The following FAM124A variants were observed in gnomAD, a reference collection of about 807,000 sequenced individuals.
FAM124A encodes protein FAM124A.
In FAM124A, 23 loss-of-function variants were observed where a neutral mutation model predicts 24.5. The ratio of observed to expected loss-of-function variants is 0.94; its 90% confidence interval spans 0.68 to 1.33. FAM124A has a LOEUF of 1.33. FAM124A is among the 40% of genes most tolerant of loss of function. The probability of loss-of-function intolerance (pLI) is 0.00; values close to 1 mark genes in which losing one functional copy is unlikely to be tolerated. For missense variants in FAM124A, 623 were observed against 722.8 expected (o/e 0.86, Z 1.58); for synonymous variants, 287 against 314.7 (o/e 0.91, Z 0.93).
rs553255580 is a variant in FAM124A at position 51,259,940 on chromosome 13, C to T, written c.834+7739C>T. Among the ~76,000 whole-genome samples the T allele has an allele frequency of 1.1e-4, 17 of 152,236 alleles. 1 individual carries two copies. In the South Asian group the frequency reaches 2.9e-3, roughly 26 times the overall value. On this transcript the variant is annotated intron_variant, in intron 3 of 3. Coordinates refer to ENST00000322475, the MANE Select transcript of FAM124A (RefSeq NM_001242312.2). The stretch of plus-strand genomic sequence containing the variant: ...AACCTTGGGCTGGTAGGGGTGTGTG[C>T]AGGAGGCTGAGGGAGCAGTGGAGAG...
rs184173493 is a variant in FAM124A, at chr13:51,272,729, C to T, written c.835-7721C>T. On this transcript the variant is annotated intron_variant, in intron 3 of 3. Transcript: ENST00000322475. This position sits in a 1 kb window ranked among gnomAD's most constrained non-coding sequence, Gnocchi z 4.2. ...AAGGTAGGAGTGCTAGACCGCAGGA[C>T]GCCAAGCACAGTCAAGGTGGGAGTG... Among the ~76,000 whole-genome samples, 85 of 152,190 alleles carry T rather than the reference C, an allele frequency of 5.6e-4. No individual in the cohort carries two copies. Among genetic ancestry groups the T allele is most frequent in the African/African-American group, 1.7e-3 (69 of 41,532 alleles).
At chr13:51,257,938 C>T (rs1954692275) in intron 3 of FAM124A, among the ~76,000 whole-genome samples, 1 of 152,336 alleles carries the variant, frequency 6.6e-6, no homozygotes. Flanking sequence ...GTGGCTTAAA[C>T]AACATAAATT....
intron 1 of FAM124A, among the ~76,000 whole-genome samples, chr13:51,229,643 T>C (rs1292174983): frequency 2.0e-5 from 3 of 152,226 alleles, no homozygotes; most frequent in Non-Finnish European, 4.4e-5. Context: ...TCTTATTGTG[T>C]GTTGTATTTG....
rs922625894 is a variant in FAM124A at position 51,251,431 on chromosome 13, G to T, written c.101-37G>T. 1 of 1,492,518 alleles carries T rather than the reference G, an allele frequency of 6.7e-7. No homozygotes were observed. Among genetic ancestry groups the T allele is most frequent in the Admixed American group, 2.3e-5 (1 of 42,930 alleles). 92.5% of individuals were successfully genotyped at this position (1,492,518 alleles called of 1,614,324 possible). On this transcript the variant is annotated intron_variant, in intron 2 of 3. Coordinates refer to ENST00000322475, the MANE Select transcript of FAM124A (RefSeq NM_001242312.2). The surrounding 1 kb of genome is among the most constrained non-coding windows in gnomAD (Gnocchi z 5.3). ...ACACTTTAATGAAATAATCATAATT[G>T]TATTCATTCATCCATTCGTTTTTTG...
At chr13:51,279,789 T>C (rs1203846423) in intron 3 of FAM124A, among the ~76,000 whole-genome samples, 1 of 152,156 alleles carries the variant, frequency 6.6e-6, no homozygotes, top group Non-Finnish European at 1.5e-5. Context: ...ACACAGTTCC[T>C]GAAAGGTAAC....
Position 51,281,206 on chromosome 13 carries a change from C to G in FAM124A, c.1591C>G (p.Pro531Ala). 6.2e-7 allele frequency: 1 copy of G among 1,606,828 alleles called. No individual in the cohort carries two copies. Among genetic ancestry groups the G allele is most frequent in the Admixed American group, 1.7e-5 (1 of 59,678 alleles). ...KQTDGDMPPP[P>A]GSAGPGDNDM... ...GACTGATGGAGACATGCCACCACCC[C>G]CAGGGTCGGCTGGCCCCGGGGATAA... The change falls in exon 4 of 4, where the codon CCA becomes GCA. Residue 531 changes from proline to alanine, a missense_variant. By Grantham distance (27) the Pro-to-Ala change is conservative (BLOSUM62 -1). Coordinates refer to ENST00000322475, the MANE Select transcript of FAM124A (RefSeq NM_001242312.2).
chr13:51,246,787 T>G (rs761596535), intron 2 of FAM124A, among the ~76,000 whole-genome samples: 19 of 152,238 alleles, frequency 1.2e-4, no homozygotes, highest in Non-Finnish European at 2.2e-4. Flanking sequence ...ATGGTCTTTG[T>G]TACTGCTCTC....
chr13:51,245,224 G>T (rs1566165201), intron 2 of FAM124A: 2 of 490,970 alleles, frequency 4.1e-6, no homozygotes, highest in Admixed American at 3.7e-5. Flanking sequence ...ATTTGCATAA[G>T]ATGCAAAAAA....
intron 3 of FAM124A, 136 bp from the exon 4 acceptor site, chr13:51,280,314 A>G (rs527744206): frequency 1.3e-6 from 1 of 781,554 alleles, no homozygotes; most frequent in Non-Finnish European, 2.0e-6. Context: ...TGCTCTAGAG[A>G]TTGCAGAACT....
At chr13:51,242,121 C>T (rs757651879) in intron 2 of FAM124A, among the ~76,000 whole-genome samples, 23 of 152,250 alleles carry the variant, frequency 1.5e-4, no homozygotes, top group Non-Finnish European at 2.9e-4. Context: ...TCTTTCATTT[C>T]CTAATACAAG....
rs183599454 is a variant in FAM124A at position 51,236,923 on chromosome 13, A to T, written c.100+5544A>T. ...TTCTTCCAGAGTCTTATTCCATAAG[A>T]TCTAGGCAAAACTCAAATCTGTTTA... On this transcript the variant is annotated intron_variant, in intron 2 of 3. Coordinates refer to ENST00000322475, the MANE Select transcript of FAM124A (RefSeq NM_001242312.2). Among the ~76,000 whole-genome samples, 3 of 152,334 alleles carry T rather than the reference A, an allele frequency of 2.0e-5. No individual in the cohort carries two copies. The South Asian group carries it at 6.2e-4, about 32-fold the overall frequency.
chr13:51,242,686 G>A (rs1954510864), intron 2 of FAM124A, among the ~76,000 whole-genome samples: 1 of 151,606 alleles, frequency 6.6e-6, no homozygotes, highest in South Asian at 2.1e-4. Context: ...TACATTTAAA[G>A]TAAGATGGAT....
In FAM124A at chr13:51,231,140, G is replaced by A. The variant is rs552965487; in HGVS notation, c.69-208G>A. ...AGGAATTTGCAGAACTCACATGAGA[G>A]CCCCCAGAATTCTAAAGTTCCTTTA... On this transcript the variant is annotated intron_variant, in intron 1 of 3. Transcript: ENST00000322475. 3.9e-5 allele frequency among the ~76,000 whole-genome samples: 6 copies of A among 152,282 alleles called. No individual in the cohort carries two copies. In the East Asian group the frequency reaches 1.2e-3, roughly 29 times the overall value.
intron 3 of FAM124A, among the ~76,000 whole-genome samples, chr13:51,277,679 A>T (rs1294155690): frequency 6.6e-6 from 1 of 152,190 alleles, no homozygotes; most frequent in Admixed American, 6.5e-5. Context: ...CTGTGGTCCC[A>T]GCTACTCAGG....
At chr13:51,223,605 C>A (rs189704750) in intron 1 of FAM124A, among the ~76,000 whole-genome samples, 13 of 152,278 alleles carry the variant, frequency 8.5e-5, no homozygotes, top group African/African-American at 2.6e-4. Context: ...AACCCAACCC[C>A]GGCAAAGCTC....
At chr13:51,256,070 C>T (rs1954671700) in intron 3 of FAM124A, among the ~76,000 whole-genome samples, 2 of 152,180 alleles carry the variant, frequency 1.3e-5, no homozygotes, top group African/African-American at 4.8e-5. Context: ...GGTAGGAACA[C>T]AGGCCTGAAT....
intron 2 of FAM124A, among the ~76,000 whole-genome samples, chr13:51,236,093 G>A (rs1387851560): frequency 6.6e-6 from 1 of 152,118 alleles, no homozygotes; most frequent in Non-Finnish European, 1.5e-5. Flanking sequence ...TGCTTTCCTG[G>A]GGTTGCTGTG....
intron 2 of FAM124A, among the ~76,000 whole-genome samples, chr13:51,250,763 G>A: frequency 6.6e-6 from 1 of 152,196 alleles, no homozygotes; most frequent in East Asian, 1.9e-4. Flanking sequence ...CTTGGCTCTG[G>A]GGGTCATCCT....
intron 3 of FAM124A, among the ~76,000 whole-genome samples, chr13:51,277,501 A>T (rs1182302787): frequency 6.6e-6 from 1 of 152,360 alleles, no homozygotes; most frequent in East Asian, 1.9e-4. Flanking sequence ...AAAAAATTAA[A>T]GAGAAAGAAT....
Sources: gnomAD v4.1 joint callset for allele counts (sites outside exome capture counted in the v4.1 genomes callset) on GRCh38, gnomAD v4.1.1 for gene constraint, Gnocchi (gnomAD v3.1) non-coding constraint, MANE v1.5 for transcripts, NCBI Gene and HGNC (gene_info 2026-07-23, HGNC 2026-07-21) for gene names.